The following CSF2RA variants were observed in gnomAD, a reference collection of about 807,000 sequenced individuals.
The protein encoded by CSF2RA is granulocyte-macrophage colony-stimulating factor receptor subunit alpha.
A neutral mutation model predicts 51.6 loss-of-function variants in CSF2RA; 42 were observed. The observed-to-expected ratio is 0.81, with a 90% CI of 0.64 to 1.05. CSF2RA has a LOEUF of 1.05. Among genes scored for constraint, CSF2RA ranks in the 50% least tolerant of loss-of-function variants. The probability of loss-of-function intolerance (pLI) is 0.00; values close to 1 mark genes in which losing one functional copy is unlikely to be tolerated. For missense variants in CSF2RA, 530 were observed against 501.1 expected, an observed-to-expected ratio of 1.06 and a Z score of -0.55; for synonymous variants, 222 against 193.0, an observed-to-expected ratio of 1.15 and a Z score of -1.24.
intron 12 of CSF2RA, among the ~76,000 whole-genome samples, chrX:1,306,824 G>A (rs1282435050): frequency 6.6e-6 from 1 of 150,948 alleles, no homozygotes; most frequent in Non-Finnish European, 1.5e-5. Context: ...AAGACGGACA[G>A]AGAGAGAAAC....
chrX:1,309,533 A>C lies in CSF2RA; in HGVS notation c.*54A>C. On this transcript the variant is annotated 3_prime_UTR_variant, in exon 13 of 13. Coordinates refer to ENST00000381529, the MANE Select transcript of CSF2RA (RefSeq NM_172245.4). ...CATCTCCGCCTCCGCGACACGGGGG[A>C]ACTGTTTTCTTGATGATGCTGTGAA... The C allele has an allele frequency of 6.2e-7, 1 of 1,613,892 alleles. No homozygotes were observed. The highest frequency in any genetic ancestry group is 8.5e-7 in the Non-Finnish European group (1 of 1,179,854).
intron 10 of CSF2RA, chrX:1,303,013 A>T (rs2083157831): frequency 8.0e-6 from 2 of 249,444 alleles, no homozygotes; most frequent in East Asian, 1.3e-4. Flanking sequence ...CTGGGATTAC[A>T]GACATGCATC....
intron 4 of CSF2RA, chrX:1,287,207 A>G (rs28444617): frequency 0.2 from 27,648 of 135,256 alleles, 2,958 homozygotes; most frequent in East Asian, 0.54. Context: ...AGGCTGGAGT[A>G]CACTGGTGTG....
At chrX:1,304,765 C>T (rs1248000436) in intron 11 of CSF2RA, among the ~76,000 whole-genome samples, 2 of 141,712 alleles carry the variant, frequency 1.4e-5, no homozygotes, top group African/African-American at 5.2e-5. Context: ...CCCGGGTTCA[C>T]GCCATTCTCC....
intron 7 of CSF2RA, 165 bp from the exon 8 acceptor site, chrX:1,294,163 G>A (rs1311545515): frequency 7.2e-6 from 6 of 838,084 alleles, no homozygotes; most frequent in Non-Finnish European, 1.0e-5. Flanking sequence ...TGTAGTCAAA[G>A]AGGTGTCCCT....
chrX:1,300,465 C>A, intron 9 of CSF2RA, 26 bp from the exon 10 acceptor site: 1 of 1,613,832 alleles, frequency 6.2e-7, no homozygotes, highest in African/African-American at 1.3e-5. Flanking sequence ...AGACGCCTAT[C>A]TCTAACTTTC....
At chrX:1,269,496 A>ATG (rs1569486001) in intron 1 of CSF2RA, among the ~76,000 whole-genome samples, 5 of 151,836 alleles carry the variant, frequency 3.3e-5, no homozygotes, top group African/African-American at 4.8e-5. Flanking sequence ...GGTGGCAGGC[A>ATG]CCTGTAATCC....
intron 12 of CSF2RA, chrX:1,305,756 G>A: frequency 6.4e-7 from 1 of 1,551,726 alleles, no homozygotes; most frequent in Non-Finnish European, 8.7e-7. Flanking sequence ...GAGAAACTGA[G>A]GCAGGGTGGT....
downstream of CSF2RA, among the ~76,000 whole-genome samples, chrX:1,315,292 A>G (rs1435471998): frequency 6.6e-6 from 1 of 152,170 alleles, no homozygotes; most frequent in Non-Finnish European, 1.5e-5. Context: ...TTGATAGATG[A>G]CAGATGAAAA....
At chrX:1,320,240 C>G in the CSF2RA span, among the ~76,000 whole-genome samples, 1 of 151,560 alleles carries the variant, frequency 6.6e-6, no homozygotes, top group East Asian at 1.9e-4. Flanking sequence ...GTTGGTCAGG[C>G]TGGTCTCGAA....
Position 1,301,351 on chromosome X carries a change from A to G in CSF2RA, c.946+725A>G, listed in dbSNP as rs771385865. ...TGTCTCAAAAAAAAAAAAAAAAAAA[A>G]AAAGAAAAAGTAGAAGGAGGTGGTC... On this transcript the variant is annotated intron_variant, in intron 10 of 12. Transcript: ENST00000381529. Among the ~76,000 whole-genome samples the G allele has an allele frequency of 2.4e-3, 344 of 143,456 alleles. 5 individuals are homozygous for G. Among genetic ancestry groups the G allele is most frequent in the African/African-American group, 8.5e-3 (301 of 35,438 alleles). The allele number at this position is 143,456 out of a possible 152,430, so 94.1% of individuals were successfully genotyped here.
At chrX:1,288,674 G>C in intron 5 of CSF2RA, 32 bp downstream of exon 5, 1 of 1,613,910 alleles carries the variant, frequency 6.2e-7, no homozygotes, top group Non-Finnish European at 8.5e-7. Context: ...TCCGTTTACA[G>C]CACTGGCCCC....
intron 1 of CSF2RA, among the ~76,000 whole-genome samples, chrX:1,269,910 T>C (rs1470953708): frequency 6.6e-6 from 1 of 151,980 alleles, no homozygotes; most frequent in Admixed American, 6.6e-5. Flanking sequence ...GAGTTCGAGA[T>C]CAGCTTGGCC....
chrX:1,276,936 T>G (rs757221144), intron 2 of CSF2RA, among the ~76,000 whole-genome samples: 1 of 151,364 alleles, frequency 6.6e-6, no homozygotes, highest in African/African-American at 2.4e-5. Context: ...CTATCTCTAC[T>G]AAAAATACAA....
rs1404818435 is a variant in CSF2RA at position 1,295,421 on chromosome X, T to G, written c.781-6T>G. ...AGCCTTGTGTTGTGTTTTGTTTTGTTTCTAGAATACCCAGCCTGGCACGGA... is the reference window on the plus strand; with the variant it reads ...AGCCTTGTGTTGTGTTTTGTTTTGTGTCTAGAATACCCAGCCTGGCACGGA... On this transcript the variant is annotated splice_region_variant and splice_polypyrimidine_tract_variant and intron_variant, in intron 8 of 12. Coordinates refer to ENST00000381529, the MANE Select transcript of CSF2RA (RefSeq NM_172245.4). 6.2e-7 allele frequency: 1 copy of G among 1,613,402 alleles called. No homozygotes were observed. The highest frequency in any genetic ancestry group is 8.5e-7 in the Non-Finnish European group (1 of 1,179,590).
chrX:1,280,439 C>G (rs1348040386), intron 2 of CSF2RA, among the ~76,000 whole-genome samples: 7 of 148,430 alleles, frequency 4.7e-5, no homozygotes, highest in South Asian at 4.3e-4. Flanking sequence ...CCACTGCACT[C>G]CAGCCTGGGT....
intron 1 of CSF2RA, among the ~76,000 whole-genome samples, chrX:1,270,719 C>T (rs748642127): frequency 2.0e-4 from 30 of 151,456 alleles, no homozygotes; most frequent in Non-Finnish European, 2.9e-5. Flanking sequence ...GCTGCCCAGC[C>T]TGTCCCAGCC....
At chrX:1,274,883 A>G (rs1325592649) in intron 2 of CSF2RA, 65 bp downstream of exon 2, 4 of 452,882 alleles carry the variant, frequency 8.8e-6, no homozygotes, top group South Asian at 1.6e-5. Context: ...AGTGAAGTCT[A>G]AAGAACTGAA....
chrX:1,303,305 G>A (rs748049922), intron 10 of CSF2RA: 97 of 432,532 alleles, frequency 2.2e-4, no homozygotes, highest in Non-Finnish European at 6.6e-5. Context: ...GCACAATCTC[G>A]GCTCACTGCA....
Sources: allele counts gnomAD v4.1 joint callset (sites outside exome capture counted in the v4.1 genomes callset), GRCh38; gene constraint gnomAD v4.1.1; transcripts MANE v1.5; gene names NCBI Gene and HGNC (gene_info 2026-07-23, HGNC 2026-07-21).